PCDH11Y: variants seen among roughly 807,000 people sequenced by gnomAD.
PCDH11Y encodes protocadherin-11 Y-linked.
For missense variants in PCDH11Y, 12 were observed against 224.8 expected, an observed-to-expected ratio of 0.05 and a Z score of 6.05; for synonymous variants, 9 against 83.6, an observed-to-expected ratio of 0.11 and a Z score of 4.87.
chrY:5,406,465 G>A (rs2053238888), intron 2 of PCDH11Y, among the ~76,000 whole-genome samples: 2 of 33,176 alleles, frequency 6.0e-5, no homozygotes, highest in Non-Finnish European at 1.5e-4. Flanking sequence ...TGAAGTGACT[G>A]ATCTCGTTTC....
intron 4 of PCDH11Y, among the ~76,000 whole-genome samples, chrY:5,589,286 G>T: frequency 6.3e-5 from 2 of 31,922 alleles, no homozygotes; most frequent in African/African-American, 2.5e-4. Context: ...CATGAGATCT[G>T]ATGGTTTTAT....
intron 4 of PCDH11Y, among the ~76,000 whole-genome samples, chrY:5,720,197 A>T (rs2053593549): frequency 3.1e-5 from 1 of 31,758 alleles, no homozygotes; most frequent in Non-Finnish European, 7.6e-5. Flanking sequence ...CTTTTGAGTT[A>T]TTGCTGAATC....
intron 1 of PCDH11Y, among the ~76,000 whole-genome samples, chrY:5,091,315 AAAC>A (rs2124633891): frequency 3.0e-5 from 1 of 33,580 alleles, no homozygotes; most frequent in African/African-American, 1.1e-4. Flanking sequence ...CAAGCAAATG[AAAC>A]AAGTAAAAAA....
intron 1 of PCDH11Y, among the ~76,000 whole-genome samples, chrY:5,013,275 C>T (rs2052556101): frequency 6.0e-5 from 2 of 33,317 alleles, no homozygotes; most frequent in African/African-American, 2.3e-4. Flanking sequence ...AATTTCTTGG[C>T]CTGATCCAGC....
chrY:5,015,962 A>G, intron 1 of PCDH11Y, among the ~76,000 whole-genome samples: 1 of 29,647 alleles, frequency 3.4e-5, no homozygotes, highest in Non-Finnish European at 8.0e-5. Context: ...GCTGCCATCT[A>G]TATAAGATGT....
At chrY:5,653,359 C>A (rs2053533141) in intron 4 of PCDH11Y, among the ~76,000 whole-genome samples, 1 of 32,643 alleles carries the variant, frequency 3.1e-5, no homozygotes, top group Non-Finnish European at 7.5e-5. Context: ...AGTTAAAAAC[C>A]TTGAAAAAAT....
intron 3 of PCDH11Y, among the ~76,000 whole-genome samples, chrY:5,510,844 T>C: frequency 6.3e-5 from 2 of 31,548 alleles, no homozygotes; most frequent in Admixed American, 3.0e-4. Context: ...AGTGGCGCGA[T>C]CTCAGCTCAC....
intron 2 of PCDH11Y, among the ~76,000 whole-genome samples, chrY:5,214,052 G>A (rs2052942858): frequency 3.1e-5 from 1 of 32,380 alleles, no homozygotes; most frequent in South Asian, 7.0e-4. Context: ...CCCAGGAGGC[G>A]GAGCTTGCAG....
At chrY:5,569,868 T>A in intron 3 of PCDH11Y, among the ~76,000 whole-genome samples, 1 of 33,102 alleles carries the variant, frequency 3.0e-5, no homozygotes, top group Admixed American at 2.8e-4. Context: ...AAGGGAGAGA[T>A]TAATAGGAAC....
chrY:5,205,607 TTATA>T, intron 2 of PCDH11Y, among the ~76,000 whole-genome samples: 1 of 21,830 alleles, frequency 4.6e-5, no homozygotes, highest in Non-Finnish European at 1.0e-4. Flanking sequence ...CTGAATATAT[TTATA>T]TACACTGAAT....
chrY:5,691,570 TG>T (rs2053567607), intron 4 of PCDH11Y, among the ~76,000 whole-genome samples: 2 of 28,436 alleles, frequency 7.0e-5, no homozygotes, highest in Non-Finnish European at 1.7e-4. Flanking sequence ...ACTGCTTGAC[TG>T]TCTGACTGCT....
chrY:5,602,542 T>C (rs2053473643), intron 4 of PCDH11Y, among the ~76,000 whole-genome samples: 1 of 32,368 alleles, frequency 3.1e-5, no homozygotes, highest in Non-Finnish European at 7.6e-5. Flanking sequence ...AGCATATTCA[T>C]TTACCACAGA....
At chrY:5,202,574 A>G (rs2052927847) in intron 2 of PCDH11Y, among the ~76,000 whole-genome samples, 57 of 33,104 alleles carry the variant, frequency 1.7e-3, no homozygotes, top group African/African-American at 2.4e-4. Flanking sequence ...TGTAAATCTT[A>G]TTCACTTCTC....
rs576098388 is a variant in PCDH11Y, at chrY:5,116,317, C to A, written c.3129+15610C>A. On this transcript the variant is annotated intron_variant, in intron 2 of 4. Coordinates refer to the PCDH11Y transcript ENST00000400457. Reference sequence around the variant, plus strand: ...CATCATGAATAGGAAAATAATGTTTCTTTTGCTCAGTTACAACTATAGAGA... The same window carrying A: ...CATCATGAATAGGAAAATAATGTTTATTTTGCTCAGTTACAACTATAGAGA... Among the ~76,000 whole-genome samples, 22 of 33,503 alleles carry A rather than the reference C, an allele frequency of 6.6e-4. No homozygotes were observed. In the South Asian group the frequency reaches 0.014, roughly 22 times the overall value. The allele number at this position is 33,503 out of a possible 37,273, so 89.9% of individuals were successfully genotyped here.
At chrY:5,375,800 G>A (rs2053197148) in intron 2 of PCDH11Y, among the ~76,000 whole-genome samples, 1 of 33,371 alleles carries the variant, frequency 3.0e-5, no homozygotes, top group Non-Finnish European at 7.4e-5. Flanking sequence ...TAAATTTCAC[G>A]TTCCAATTAT....
At chrY:5,108,821 G>C, downstream of PCDH11Y, among the ~76,000 whole-genome samples, 2 of 28,695 alleles carry the variant, frequency 7.0e-5, no homozygotes, top group African/African-American at 2.7e-4. Flanking sequence ...TTTAGAAGTT[G>C]AGTTTATATT....
intron 2 of PCDH11Y, among the ~76,000 whole-genome samples, chrY:5,122,640 G>A (rs2124640219): frequency 3.2e-5 from 1 of 30,847 alleles, no homozygotes; most frequent in South Asian, 7.7e-4. Flanking sequence ...TCCCTGTAAG[G>A]CCATTCACAA....
chrY:5,387,957 G>A (rs2053217816), intron 2 of PCDH11Y, among the ~76,000 whole-genome samples: 3 of 27,760 alleles, frequency 1.1e-4, no homozygotes, highest in Non-Finnish European at 2.5e-4. Flanking sequence ...GGGGAAAGCC[G>A]GCAGTTACAG....
At chrY:5,465,433 G>A in intron 2 of PCDH11Y, among the ~76,000 whole-genome samples, 1 of 32,242 alleles carries the variant, frequency 3.1e-5, no homozygotes, top group East Asian at 8.2e-4. Flanking sequence ...GAGTAGGTTC[G>A]ACTAATGCAT....
Sources: gnomAD v4.1 joint callset for allele counts (sites outside exome capture counted in the v4.1 genomes callset) on GRCh38, gnomAD v4.1.1 for gene constraint, MANE v1.5 for transcripts, NCBI Gene and HGNC (gene_info 2026-07-23, HGNC 2026-07-21) for gene names.